The following BBS10 variants were observed in gnomAD, a reference collection of about 807,000 sequenced individuals.
The protein encoded by BBS10 is Bardet-Biedl syndrome 10.
In BBS10, 13 loss-of-function variants were observed where a neutral mutation model predicts 12.7. The ratio of observed to expected loss-of-function variants is 1.03; its 90% CI spans 0.67 to 1.63. BBS10 has a LOEUF of 1.63. BBS10 is among the 40% of genes most tolerant of loss of function. The probability of loss-of-function intolerance (pLI) is 0.00; values close to 1 mark genes in which losing one functional copy is unlikely to be tolerated. For missense variants in BBS10, 858 were observed against 858.0 expected (o/e 1.00, Z 0.00); for synonymous variants, 294 against 304.8 (o/e 0.96, Z 0.37).
rs763861552 is a variant in BBS10, at chr12:76,346,445, T to C, written c.1540A>G (p.Thr514Ala). 18 of 1,614,166 alleles carry C rather than the reference T, an allele frequency of 1.1e-5. No individual in the cohort carries two copies. The highest frequency in any genetic ancestry group is 3.3e-5 in the South Asian group (3 of 91,082). The change falls in exon 2 of 2, where the codon ACA becomes GCA. Residue 514 changes from threonine (T) to alanine (A), a missense_variant. Coordinates refer to ENST00000650064, the MANE Select transcript of BBS10 (RefSeq NM_024685.4). ...IPYSTPTLTP[T>A]DTFQTVETLT... is the part of the protein sequence containing the mutation. ...GTTTCAACTGTTTGGAATGTATCTGTTGGTGTCAGTGTGGGGGTTGAATAC... is the reference window on the plus strand; with the variant it reads ...GTTTCAACTGTTTGGAATGTATCTGCTGGTGTCAGTGTGGGGGTTGAATAC...
intron 1 of BBS10, among the ~76,000 whole-genome samples, 158 bp downstream of exon 1, chr12:76,348,004 G>GC (rs989459693): frequency 3.9e-5 from 6 of 152,196 alleles, no homozygotes; most frequent in African/African-American, 1.4e-4. Context: ...GATTTGGGGT[G>GC]CAGGAGTGTT....
chr12:76,345,998 G>A lies in BBS10; in HGVS notation c.1987C>T (p.His663Tyr), dbSNP rs1390552126. 1 of 1,613,972 alleles carries A rather than the reference G, an allele frequency of 6.2e-7. No individual in the cohort carries two copies. The highest frequency in any genetic ancestry group is 8.5e-7 in the Non-Finnish European group (1 of 1,179,924). Residue 663 changes from histidine to tyrosine, a missense_variant, in exon 2 of 2, where the codon CAT becomes TAT. His to Tyr is a moderately conservative substitution (Grantham distance 83). Coordinates refer to ENST00000650064, the MANE Select transcript of BBS10 (RefSeq NM_024685.4). Reference sequence around the variant, plus strand: ...AAGGGTTGATTGGTTTGCAGTGCATGGACAGCTCTTATATATGTATGTGGA... The same window carrying A: ...AAGGGTTGATTGGTTTGCAGTGCATAGACAGCTCTTATATATGTATGTGGA... The part of the protein sequence containing the change: ...SFPHTYIRAV[H>Y]ALQTNQPLVS...
intron 1 of BBS10, 150 bp downstream of exon 1, chr12:76,348,012 G>A: frequency 1.0e-6 from 1 of 997,922 alleles, no homozygotes; most frequent in African/African-American, 1.6e-5. Context: ...GTGCAGGAGT[G>A]TTCCCTTGGG....
Position 76,345,519 on chromosome 12 carries a change from A to G in BBS10, c.*294T>C. The G allele has an allele frequency of 3.1e-6, 1 of 325,790 alleles. No individual in the cohort carries two copies. Among genetic ancestry groups the G allele is most frequent in the Non-Finnish European group, 5.9e-6 (1 of 170,706 alleles). The allele number at this position is 325,790 out of a possible 1,614,324, so 20.2% of individuals were successfully genotyped here. On this transcript the variant is annotated 3_prime_UTR_variant, in exon 2 of 2. Transcript: ENST00000650064. Reference sequence around the variant, plus strand: ...ATACAGGAGAGTAAAAAGGAGCTATAAAGAAAAACCCTCCCCTAAACACAT... The same window carrying G: ...ATACAGGAGAGTAAAAAGGAGCTATGAAGAAAAACCCTCCCCTAAACACAT...
In BBS10 at chr12:76,347,491, A is replaced by G; in HGVS notation, c.494T>C (p.Leu165Ser). Residue 165 changes from leucine (L) to serine (S), a missense_variant, in exon 2 of 2, where the codon TTG (leucine) becomes TCG (serine). Transcript: ENST00000650064. ...SIFSSAKERT[L>S]CRSSLELLLE... ...GAGCAACTCTAAAGAGCTCCTACACAATGTTCTCTCTTTAGCAGACGAAAA... is the reference window on the plus strand; with the variant it reads ...GAGCAACTCTAAAGAGCTCCTACACGATGTTCTCTCTTTAGCAGACGAAAA... The G allele has an allele frequency of 6.2e-7, 1 of 1,613,786 alleles. No individual in the cohort carries two copies. The highest frequency in any genetic ancestry group is 8.5e-7 in the Non-Finnish European group (1 of 1,179,988).
Position 76,346,162 on chromosome 12 carries a change from A to T in BBS10, c.1823T>A (p.Ile608Asn). ...ATTGAGAAGATAGTAATGTAACAAG[A>T]TCTCAAAATTACCACCTACTGGCAA... The part of the protein sequence containing the change: ...CVLPVGGNFE[I>N]LLHYYLLNYA... Residue 608 changes from isoleucine (I) to asparagine (N), a missense_variant, in exon 2 of 2, where the codon ATC (isoleucine) becomes AAC (asparagine). Physicochemically the swap from Ile to Asn is moderately radical, Grantham distance 149 (BLOSUM62 -3). Coordinates refer to ENST00000650064, the MANE Select transcript of BBS10 (RefSeq NM_024685.4). 1 of 1,610,666 alleles carries T rather than the reference A, an allele frequency of 6.2e-7. No individual in the cohort carries two copies. Among genetic ancestry groups the T allele is most frequent in the Non-Finnish European group, 8.5e-7 (1 of 1,179,052 alleles).
In BBS10 at chr12:76,346,825, A is replaced by G. The variant is rs2136090546; in HGVS notation, c.1160T>C (p.Ile387Thr). ...GTGTGGTATAAATGCACATGTGCTT[A>G]TCAAGCCTAGATGAACATATCTTTT... Reference protein sequence around the residue: ...RSKRYVHLGLISTCAFIPHSI... With the variant: ...RSKRYVHLGLTSTCAFIPHSI... The change falls in exon 2 of 2, where the codon ATA becomes ACA. Residue 387 changes from isoleucine (I) to threonine (T), a missense_variant. Coordinates refer to ENST00000650064, the MANE Select transcript of BBS10 (RefSeq NM_024685.4). 1.2e-6 allele frequency: 2 copies of G among 1,614,150 alleles called. No homozygotes were observed. The highest frequency in any genetic ancestry group is 2.2e-5 in the South Asian group (2 of 91,084).
Position 76,348,413 on chromosome 12 carries a change from A to C in BBS10, c.-55T>G. ...TTGCAGAACACCCGGGCCGACCGAA[A>C]ACAGGGGTGGGAACGGCCGGAAACG... On this transcript the variant is annotated 5_prime_UTR_variant, in exon 1 of 2. Transcript: ENST00000650064. 1 of 1,538,894 alleles carries C rather than the reference A, an allele frequency of 6.5e-7. No individual in the cohort carries two copies. The highest frequency in any genetic ancestry group is 2.0e-5 in the Admixed American group (1 of 51,032).
Position 76,345,973 on chromosome 12 carries a change from A to C in BBS10, c.2012T>G (p.Leu671Trp). Residue 671 changes from leucine to tryptophan, a missense_variant, in exon 2 of 2, where the codon TTG becomes TGG. Physicochemically the swap from Leu to Trp is moderately conservative, Grantham distance 61. Coordinates refer to ENST00000650064, the MANE Select transcript of BBS10 (RefSeq NM_024685.4). ...TTCCAAACCTGTCTGACTGCTTACC[A>C]AGGGTTGATTGGTTTGCAGTGCATG... is the stretch of plus-strand genomic sequence containing the variant. ...AVHALQTNQP[L>W]VSSQTGLESV... 1 of 1,614,036 alleles carries C rather than the reference A, an allele frequency of 6.2e-7. No homozygotes were observed. The highest frequency in any genetic ancestry group is 1.1e-5 in the South Asian group (1 of 91,080).
chr12:76,348,290 G>A lies in BBS10; in HGVS notation c.69C>T (p.Ala23=), dbSNP rs2136091596. 6.2e-7 allele frequency: 1 copy of A among 1,612,580 alleles called. No individual in the cohort carries two copies. The highest frequency in any genetic ancestry group is 8.5e-7 in the Non-Finnish European group (1 of 1,179,358). ...CGGGCCCCACGCAGCAGCTCACGAT[G>A]GCTTCCAGCACCTCGGCCACCTGCA... is the stretch of plus-strand genomic sequence containing the variant. ...AALQVAEVLE[A]IVSCCVGPEG... The change falls in exon 1 of 2, where the codon GCC becomes GCT. Residue 23 remains alanine (A), a synonymous_variant. Coordinates refer to ENST00000650064, the MANE Select transcript of BBS10 (RefSeq NM_024685.4).
rs770799633 is a variant in BBS10 at position 76,347,559 on chromosome 12, G to A, written c.426C>T (p.Asp142=). The change falls in exon 2 of 2, where the codon GAC becomes GAT. Residue 142 remains aspartate, a synonymous_variant. Transcript: ENST00000650064. ...TACTTAGGTACTGGTCCATAATACCGTCTAATATTTGTGTCTGAAACGTTA... is the reference window on the plus strand; with the variant it reads ...TACTTAGGTACTGGTCCATAATACCATCTAATATTTGTGTCTGAAACGTTA... The part of the protein sequence containing the change: ...ALLTFQTQIL[D]GIMDQYLSRH... 4.3e-6 allele frequency: 7 copies of A among 1,613,526 alleles called. No homozygotes were observed. The highest frequency in any genetic ancestry group is 1.1e-5 in the South Asian group (1 of 91,074).
Position 76,346,068 on chromosome 12 carries a change from G to C in BBS10, c.1917C>G (p.Gly639=), listed in dbSNP as rs770368817. 11 of 1,613,576 alleles carry C rather than the reference G, an allele frequency of 6.8e-6. No homozygotes were observed. In the South Asian group the frequency reaches 1.2e-4, roughly 18 times the overall value. The change falls in exon 2 of 2, where the codon GGC becomes GGG. Residue 639 remains glycine (G), a synonymous_variant. Transcript: ENST00000650064. ...TAGATTTATAAAGGACTTTGGGAAT[G>C]CCTAAAAGTGCATTAGCTATTATCA... ...VSMIIANALL[G]IPKVLYKSKT...
At chr12:76,348,027 G>A (rs536737856) in intron 1 of BBS10, 135 bp downstream of exon 1, 3 of 1,075,202 alleles carry the variant, frequency 2.8e-6, no homozygotes, top group South Asian at 3.2e-5. Flanking sequence ...CTTGGGCAGG[G>A]CTCTAATTCC....
Position 76,346,617 on chromosome 12 carries a change from T to C in BBS10, c.1368A>G (p.Gln456=), listed in dbSNP as rs756970654. 6.2e-7 allele frequency: 1 copy of C among 1,614,140 alleles called. No individual in the cohort carries two copies. The highest frequency in any genetic ancestry group is 1.7e-5 in the Admixed American group (1 of 60,016). Residue 456 remains glutamine, a synonymous_variant, in exon 2 of 2, where the codon CAA becomes CAG. Transcript: ENST00000650064. The stretch of plus-strand genomic sequence containing the variant: ...TTGAGCCATTACCAGGATCTGGTGC[T>C]TGATAACTTTCTCCACTGTTCTTAT... ...FIYKNSGESY[Q]APDPGNGSIQ... is the part of the protein sequence containing the mutation.
chr12:76,347,564 A>G lies in BBS10; in HGVS notation c.421T>C (p.Leu141=), dbSNP rs2136091159. ...AGGTACTGGTCCATAATACCGTCTA[A>G]TATTTGTGTCTGAAACGTTAGGAGA... is the stretch of plus-strand genomic sequence containing the variant. ...QALLTFQTQI[L]DGIMDQYLSR... Residue 141 remains leucine, a synonymous_variant, in exon 2 of 2, where the codon TTA becomes CTA. Coordinates refer to ENST00000650064, the MANE Select transcript of BBS10 (RefSeq NM_024685.4). 6.2e-7 allele frequency: 1 copy of G among 1,613,828 alleles called. No homozygotes were observed. The highest frequency in any genetic ancestry group is 8.5e-7 in the Non-Finnish European group (1 of 1,180,016).
rs1456073762 is a variant in BBS10, at chr12:76,346,728, T to G, written c.1257A>C (p.Lys419Asn). 1 of 1,614,172 alleles carries G rather than the reference T, an allele frequency of 6.2e-7. No homozygotes were observed. Residue 419 changes from lysine (K) to asparagine (N), a missense_variant, in exon 2 of 2, where the codon AAA (lysine) becomes AAC (asparagine). Transcript: ENST00000650064. ...QHEDALHGAL[K>N]MLRQLFKDLD... The stretch of plus-strand genomic sequence containing the variant: ...GGTCTTTAAATAATTGCCGAAGCAT[T>G]TTAAGTGCTCCATGTAAAGCATCCT...
chr12:76,347,233 G>T lies in BBS10; in HGVS notation c.752C>A (p.Ala251Glu). The change falls in exon 2 of 2, where the codon GCA (alanine) becomes GAA (glutamate). Residue 251 changes from alanine to glutamate, a missense_variant. By Grantham distance (107) the Ala-to-Glu change is moderately radical. Coordinates refer to ENST00000650064, the MANE Select transcript of BBS10 (RefSeq NM_024685.4). ...TATCACCATTCGCATGTCACCATCT[G>T]CTGGGCGGTACACAGAAAAATCTTT... is the stretch of plus-strand genomic sequence containing the variant. Reference protein sequence around the residue: ...LQKDFSVYRPADGDMRMVIVT... With the variant: ...LQKDFSVYRPEDGDMRMVIVT... 1 of 1,612,510 alleles carries T rather than the reference G, an allele frequency of 6.2e-7. No homozygotes were observed.
intron 1 of BBS10, 114 bp from the exon 2 acceptor site, chr12:76,347,901 C>G: frequency 8.1e-7 from 1 of 1,238,174 alleles, no homozygotes; most frequent in South Asian, 1.4e-5. Context: ...TTGGATACAT[C>G]CTTAGTTTTT....
chr12:76,347,106 C>G lies in BBS10; in HGVS notation c.879G>C (p.Lys293Asn). The change falls in exon 2 of 2, where the codon AAG becomes AAC. Residue 293 changes from lysine to asparagine, a missense_variant. Physicochemically the swap from Lys to Asn is moderately conservative, Grantham distance 94 (BLOSUM62 0). Coordinates refer to ENST00000650064, the MANE Select transcript of BBS10 (RefSeq NM_024685.4). ...FQTSQFWIME[K>N]TKAIMKHLHS... ...GTAGATGTTTCATTATTGCTTTTGTCTTTTCCATAATCCAAAATTGAGATG... is the reference window on the plus strand; with the variant it reads ...GTAGATGTTTCATTATTGCTTTTGTGTTTTCCATAATCCAAAATTGAGATG... 1.2e-6 allele frequency: 2 copies of G among 1,612,548 alleles called. No homozygotes were observed. Among genetic ancestry groups the G allele is most frequent in the East Asian group, 2.2e-5 (1 of 44,870 alleles).
Sources: allele counts gnomAD v4.1 joint callset (sites outside exome capture counted in the v4.1 genomes callset), GRCh38; gene constraint gnomAD v4.1.1; transcripts MANE v1.5; gene names NCBI Gene and HGNC (gene_info 2026-07-23, HGNC 2026-07-21).